Variants in CCDC171 observed in about 807,000 individuals in gnomAD.
CCDC171 encodes coiled-coil domain-containing protein 171.
CCDC171 carries 177 observed loss-of-function variants against 168.2 expected under a neutral mutation model. The observed-to-expected ratio is 1.05, with a 90% CI of 0.93 to 1.19. The LOEUF (loss-of-function observed/expected upper bound fraction) is 1.19, where lower values mean the gene tolerates loss of function less well. Among genes scored for constraint, CCDC171 ranks in the 50% most tolerant of loss-of-function variants. CCDC171 has a pLI of 0.00. For synonymous variants in CCDC171, 687 were observed against 540.8 expected, an observed-to-expected ratio of 1.27 and a Z score of -3.75; for missense variants, 1,991 against 1,539.0, an observed-to-expected ratio of 1.29 and a Z score of -4.91.
intron 11 of CCDC171, among the ~76,000 whole-genome samples, chr9:15,696,087 G>T (rs1564229759): frequency 6.6e-6 from 1 of 152,038 alleles, no homozygotes; most frequent in East Asian, 1.9e-4. Flanking sequence ...ATTATTTGGT[G>T]GTCTTCTAAC....
At chr9:15,715,607 C>A (rs2053020286) in intron 11 of CCDC171, among the ~76,000 whole-genome samples, 2 of 152,146 alleles carry the variant, frequency 1.3e-5, no homozygotes, top group African/African-American at 4.8e-5. Flanking sequence ...TACTCATATC[C>A]TATATTGATA....
intron 7 of CCDC171, among the ~76,000 whole-genome samples, chr9:15,639,526 CT>C (rs2046437239): frequency 1.3e-5 from 2 of 151,938 alleles, no homozygotes; most frequent in Admixed American, 6.6e-5. Flanking sequence ...AGTAATAAAA[CT>C]TTTTCTTCAT....
intron 9 of CCDC171, among the ~76,000 whole-genome samples, chr9:15,670,115 C>T (rs116236318): frequency 0.011 from 1,723 of 152,238 alleles, 35 homozygotes; most frequent in African/African-American, 0.04. Context: ...CCTTAACCTG[C>T]CCTACTCTTG....
intron 8 of CCDC171, among the ~76,000 whole-genome samples, chr9:15,661,830 A>G (rs536902595): frequency 6.6e-6 from 1 of 152,374 alleles, no homozygotes; most frequent in East Asian, 1.9e-4. Context: ...GTAGCAATGT[A>G]GACAAGAAGA....
intron 20 of CCDC171, among the ~76,000 whole-genome samples, chr9:15,780,366 G>C (rs2057602054): frequency 1.3e-5 from 2 of 151,706 alleles, no homozygotes; most frequent in Non-Finnish European, 2.9e-5. Flanking sequence ...ACAACCTTAA[G>C]TAAAAATACA....
chr9:16,046,502 A>C (rs1159124569), intron 1 of CCDC171, among the ~76,000 whole-genome samples: 1 of 152,206 alleles, frequency 6.6e-6, no homozygotes, highest in Non-Finnish European at 1.5e-5. Flanking sequence ...TCCCTCAACT[A>C]GACCTTGACA....
At chr9:15,785,016 T>G (rs1252105820) in intron 21 of CCDC171, among the ~76,000 whole-genome samples, 1 of 152,166 alleles carries the variant, frequency 6.6e-6, no homozygotes, top group East Asian at 1.9e-4. Flanking sequence ...TTTAGAATTT[T>G]CCTTTTCTTG....
At chr9:15,957,815 A>G (rs550704585) in intron 25 of CCDC171, among the ~76,000 whole-genome samples, 3 of 152,318 alleles carry the variant, frequency 2.0e-5, no homozygotes, top group African/African-American at 4.8e-5. Context: ...ACTGGCCAAG[A>G]TAACTTTCCT....
rs2046763667 is a variant in CCDC171 at position 15,643,032 on chromosome 9, TTTTTTCTC to T, written c.823-14093_823-14086del. 7.2e-5 allele frequency among the ~76,000 whole-genome samples: 11 copies of T among 152,292 alleles called. No individual in the cohort carries two copies. In the South Asian group the frequency reaches 2.3e-3, roughly 32 times the overall value. ...ATATTTTAAAATTGTTAGCCTTGTT[TTTTTTCTC>T]TCTGTGCCCTTTATTTGCTTTTTTT... On this transcript the variant is annotated intron_variant, in intron 7 of 25. Coordinates refer to ENST00000380701, the MANE Select transcript of CCDC171 (RefSeq NM_173550.4).
At chr9:16,098,055 A>G in the CCDC171 span, among the ~76,000 whole-genome samples, 1 of 152,196 alleles carries the variant, frequency 6.6e-6, no homozygotes, top group East Asian at 1.9e-4. Context: ...CACGAAAACA[A>G]TCAGCGTAGC....
chr9:15,655,517 T>C (rs2047863073), intron 7 of CCDC171, among the ~76,000 whole-genome samples: 1 of 152,216 alleles, frequency 6.6e-6, no homozygotes, highest in African/African-American at 2.4e-5. Flanking sequence ...TGACTTCTGC[T>C]TCTGTCCAGA....
intron 9 of CCDC171, among the ~76,000 whole-genome samples, chr9:15,669,876 A>G (rs2048984130): frequency 6.6e-6 from 1 of 151,624 alleles, no homozygotes; most frequent in Non-Finnish European, 1.5e-5. Context: ...TTTTGTTTAC[A>G]TTATATGTAA....
intron 24 of CCDC171, among the ~76,000 whole-genome samples, chr9:15,893,796 C>T (rs543952838): frequency 1.2e-4 from 18 of 152,056 alleles, no homozygotes; most frequent in Middle Eastern, 3.4e-3. Flanking sequence ...CTGGTGAGGT[C>T]GTGGAGAAAA....
chr9:15,624,018 A>G (rs558348031), intron 7 of CCDC171, among the ~76,000 whole-genome samples: 2 of 152,352 alleles, frequency 1.3e-5, no homozygotes, highest in South Asian at 2.1e-4. Context: ...AAACAGATAA[A>G]GAAGTTTTGT....
chr9:16,044,819 T>A (rs1285857564), intron 1 of CCDC171, among the ~76,000 whole-genome samples: 1 of 152,152 alleles, frequency 6.6e-6, no homozygotes, highest in African/African-American at 2.4e-5. Context: ...CCCAGGGTAT[T>A]GCAGCCTGGG....
At chr9:16,061,127 A>G (rs1279459433) in exon 2 of CCDC171, 2 of 152,210 alleles carry the variant, frequency 1.3e-5, no homozygotes, top group African/African-American at 2.4e-5. Context: ...TTTCAGTTCA[A>G]CCATTACCAA....
At chr9:15,990,522 G>A (rs1360396324) in intron 3 of CCDC171, among the ~76,000 whole-genome samples, 9 of 152,198 alleles carry the variant, frequency 5.9e-5, no homozygotes, top group African/African-American at 9.6e-5. Context: ...AACAACTAAC[G>A]AGCAAAATGA....
chr9:15,633,987 A>T (rs1457857898), intron 7 of CCDC171, among the ~76,000 whole-genome samples: 6 of 151,288 alleles, frequency 4.0e-5, no homozygotes, highest in African/African-American at 1.5e-4. Flanking sequence ...GAACACATGG[A>T]CACAGGGAAG....
At chr9:15,861,403 T>G (rs1477756278) in intron 23 of CCDC171, among the ~76,000 whole-genome samples, 1 of 151,896 alleles carries the variant, frequency 6.6e-6, no homozygotes, top group Non-Finnish European at 1.5e-5. Context: ...TTCCAGAGCT[T>G]TTTGGAATTC....
Sources: gnomAD v4.1 joint callset for allele counts (sites outside exome capture counted in the v4.1 genomes callset) on GRCh38, gnomAD v4.1.1 for gene constraint, MANE v1.5 for transcripts, NCBI Gene and HGNC (gene_info 2026-07-23, HGNC 2026-07-21) for gene names.